The following ATRNL1 variants were observed in gnomAD, a reference collection of about 807,000 sequenced individuals.
ATRNL1 encodes attractin-like protein 1.
ATRNL1 carries 95 observed loss-of-function variants against 182.7 expected under a neutral mutation model. The observed-to-expected ratio is 0.52, with a 90% confidence interval of 0.44 to 0.62. The LOEUF is 0.62. ATRNL1 is among the 20% of genes least tolerant of loss of function. The pLI, the probability that ATRNL1 is intolerant of heterozygous loss-of-function variation, is 0.00. For synonymous variants in ATRNL1, 576 were observed against 568.3 expected, an observed-to-expected ratio of 1.01 and a Z score of -0.19; for missense variants, 1,471 against 1,679.5, an observed-to-expected ratio of 0.88 and a Z score of 2.17.
At chr10:115,737,289 A>AAT (rs1947983331) in intron 27 of ATRNL1, among the ~76,000 whole-genome samples, 1 of 146,054 alleles carries the variant, frequency 6.8e-6, no homozygotes, top group East Asian at 2.0e-4. Flanking sequence ...CCAAAAAAAA[A>AAT]GGCTGGGCAT....
At chr10:115,917,489 A>AAC (rs1183960824) in intron 28 of ATRNL1, among the ~76,000 whole-genome samples, 1 of 148,112 alleles carries the variant, frequency 6.8e-6, no homozygotes, top group Non-Finnish European at 1.5e-5. Flanking sequence ...AAAAAAAGAA[A>AAC]AAAAAAACGG....
intron 28 of ATRNL1, among the ~76,000 whole-genome samples, chr10:115,851,087 G>T (rs1048221119): frequency 6.6e-6 from 1 of 151,294 alleles, no homozygotes; most frequent in East Asian, 2.0e-4. Context: ...AAATTTTTTT[G>T]TCAGGCTCCT....
chr10:115,445,027 G>A (rs1224839875), intron 21 of ATRNL1, among the ~76,000 whole-genome samples: 6 of 151,696 alleles, frequency 4.0e-5, no homozygotes, highest in Non-Finnish European at 8.8e-5. Context: ...CACTGCACCC[G>A]ACCCTGAAAT....
At chr10:115,256,203 G>C (rs1402724586) in intron 10 of ATRNL1, among the ~76,000 whole-genome samples, 1 of 152,194 alleles carries the variant, frequency 6.6e-6, no homozygotes, top group Non-Finnish European at 1.5e-5. Context: ...GATAGTTTCA[G>C]AAGGAATGGT....
chr10:115,872,841 C>T (rs370063476), intron 28 of ATRNL1, among the ~76,000 whole-genome samples: 2 of 152,180 alleles, frequency 1.3e-5, no homozygotes, highest in Non-Finnish European at 2.9e-5. Context: ...TAATGAGGAA[C>T]CCATCAGGAA....
intron 26 of ATRNL1, among the ~76,000 whole-genome samples, chr10:115,594,769 T>C (rs1272021376): frequency 1.3e-5 from 2 of 152,152 alleles, no homozygotes; most frequent in Admixed American, 6.5e-5. Context: ...CCTCCCAAAG[T>C]GGTGGAATTA....
intron 27 of ATRNL1, among the ~76,000 whole-genome samples, chr10:115,824,638 C>T (rs1950384605): frequency 6.6e-6 from 1 of 152,074 alleles, no homozygotes. Flanking sequence ...CAAAAGAAGA[C>T]ATTTATCCTG....
intron 9 of ATRNL1, among the ~76,000 whole-genome samples, chr10:115,223,911 G>GTATATATATATA (rs782032076): frequency 5.2e-5 from 3 of 58,020 alleles, no homozygotes; most frequent in African/African-American, 2.1e-4. Context: ...GTGTGTGTGT[G>GTATATATATATA]TGTATATATA....
At position 115,247,076 on chromosome 10, in the gene ATRNL1, A is replaced by T. The variant is rs565610568; in HGVS notation, c.1687+5351A>T. On this transcript the variant is annotated intron_variant, in intron 10 of 28. Transcript: ENST00000355044. ...AACAATAAAACAACAGAAAACAGGA[A>T]TAATCCTTCAAGACATGGGTCTGGA... Among the ~76,000 whole-genome samples the T allele has an allele frequency of 1.1e-4, 17 of 152,328 alleles. No homozygotes were observed. In the South Asian group the frequency reaches 2.9e-3, roughly 26 times the overall value.
chr10:115,156,551 T>C (rs570926384), intron 5 of ATRNL1, among the ~76,000 whole-genome samples: 3 of 152,100 alleles, frequency 2.0e-5, no homozygotes, highest in African/African-American at 4.8e-5. Context: ...ATGTAGTAGC[T>C]TTTTCCCTTA....
chr10:115,438,665 C>A (rs1554965162), intron 21 of ATRNL1, among the ~76,000 whole-genome samples: 1 of 151,782 alleles, frequency 6.6e-6, no homozygotes, highest in Non-Finnish European at 1.5e-5. Context: ...CACTTTTTTG[C>A]ACTACGGCTG....
At chr10:115,150,715 T>A (rs12252039) in intron 5 of ATRNL1, among the ~76,000 whole-genome samples, 3,781 of 152,172 alleles carry the variant, frequency 0.025, 158 homozygotes, top group African/African-American at 0.086. Flanking sequence ...GATTTTTAAA[T>A]TTTTTTTGAA....
At chr10:115,184,437 T>C (rs782072225) in intron 8 of ATRNL1, among the ~76,000 whole-genome samples, 13 of 151,184 alleles carry the variant, frequency 8.6e-5, no homozygotes, top group South Asian at 2.1e-4. Flanking sequence ...TATATATATA[T>C]ACACACAACT....
chr10:115,886,271 C>G (rs1442563349), intron 28 of ATRNL1, among the ~76,000 whole-genome samples: 4 of 152,196 alleles, frequency 2.6e-5, no homozygotes, highest in Non-Finnish European at 5.9e-5. Context: ...ACCATATTCA[C>G]AGCAGACAGC....
intron 15 of ATRNL1, among the ~76,000 whole-genome samples, chr10:115,296,454 A>C (rs1014812121): frequency 6.6e-6 from 1 of 152,216 alleles, no homozygotes; most frequent in Non-Finnish European, 1.5e-5. Context: ...CACTCAGTCC[A>C]CTGTTACTGC....
chr10:115,157,550 A>T (rs1554882382), intron 5 of ATRNL1, among the ~76,000 whole-genome samples: 1 of 150,886 alleles, frequency 6.6e-6, no homozygotes. Flanking sequence ...CATTCCCTGC[A>T]TTCTTTGCCT....
At chr10:115,683,031 T>A (rs1275802467) in intron 26 of ATRNL1, among the ~76,000 whole-genome samples, 1 of 152,112 alleles carries the variant, frequency 6.6e-6, no homozygotes, top group East Asian at 1.9e-4. Flanking sequence ...TCAAAAACTT[T>A]TCTCATAAGG....
In ATRNL1 at chr10:115,137,023, G is replaced by T. The variant is rs1554876835; in HGVS notation, c.829+7488G>T. 2.6e-5 allele frequency among the ~76,000 whole-genome samples: 4 copies of T among 152,282 alleles called. No individual in the cohort carries two copies. The South Asian group carries it at 8.3e-4, about 32-fold the overall frequency. On this transcript the variant is annotated intron_variant, in intron 5 of 28. Coordinates refer to ENST00000355044, the MANE Select transcript of ATRNL1 (RefSeq NM_207303.4). The stretch of plus-strand genomic sequence containing the variant: ...TAAGAAATTGAATTCATGTTCATGT[G>T]TAAAGAACACAATAGAACAGTAATT...
At chr10:115,500,341 GTCAA>G (rs1246272400) in intron 24 of ATRNL1, among the ~76,000 whole-genome samples, 1 of 152,126 alleles carries the variant, frequency 6.6e-6, no homozygotes, top group Non-Finnish European at 1.5e-5. Flanking sequence ...CAGATTTGTA[GTCAA>G]GAAAAATTAG....
Sources: allele counts gnomAD v4.1 joint callset (sites outside exome capture counted in the v4.1 genomes callset), GRCh38; gene constraint gnomAD v4.1.1; transcripts MANE v1.5; gene names NCBI Gene and HGNC (gene_info 2026-07-23, HGNC 2026-07-21).